TMEM150B: variants seen among roughly 807,000 people sequenced by gnomAD.
TMEM150B encodes transmembrane protein 150B.
Under a neutral mutation model 25.2 loss-of-function variants are expected in TMEM150B, and 33 were observed. The ratio of observed to expected loss-of-function variants is 1.31; its 90% confidence interval spans 0.99 to 1.75. TMEM150B has a LOEUF of 1.75. Among genes scored for constraint, TMEM150B ranks in the 40% most tolerant of loss-of-function variants. The pLI, the probability that TMEM150B is intolerant of heterozygous loss-of-function variation, is 0.00. For synonymous variants in TMEM150B, 133 were observed against 134.8 expected (o/e 0.99, Z 0.09); for missense variants, 322 against 306.1 (o/e 1.05, Z -0.39).
chr19:55,312,470 T>A, downstream of TMEM150B: 1 of 135,718 alleles, frequency 7.4e-6, no homozygotes, highest in South Asian at 2.9e-4. Context: ...GGATTTGCTC[T>A]CCGGAAGGAA....
chr19:55,320,569 A>C lies in TMEM150B; in HGVS notation c.117T>G (p.Phe39Leu), dbSNP rs780862820. 18 of 1,613,924 alleles carry C rather than the reference A, an allele frequency of 1.1e-5. 1 individual carries two copies. In the South Asian group the frequency reaches 1.9e-4, roughly 17 times the overall value. Residue 39 changes from phenylalanine to leucine, a missense_variant, in exon 4 of 8, where the codon TTT becomes TTG. Coordinates refer to ENST00000326652, the MANE Select transcript of TMEM150B (RefSeq NM_001282011.2). ...TNRTVDLSKG[F>L]PYISICGSFP... ...TCGGGCAGAATTACCTGATGTAGGG[A>C]AAGCCTTTACTGAGGTCCACAGTCC... is the stretch of plus-strand genomic sequence containing the variant.
At chr19:55,320,888 T>C (rs1600230286) in intron 3 of TMEM150B, 81 bp downstream of exon 3, 4 of 1,323,048 alleles carry the variant, frequency 3.0e-6, no homozygotes, top group Non-Finnish European at 4.0e-6. Context: ...CCCCAACCCC[T>C]TCCTCCCTCA....
intron 7 of TMEM150B, 29 bp from the exon 8 acceptor site, chr19:55,313,084 A>G: frequency 6.3e-7 from 1 of 1,580,668 alleles, no homozygotes; most frequent in African/African-American, 1.3e-5. Flanking sequence ...CCACACTGCT[A>G]CCGTGACAGA....
At chr19:55,319,885 G>T in intron 6 of TMEM150B, 154 bp downstream of exon 6, 1 of 1,447,614 alleles carries the variant, frequency 6.9e-7, no homozygotes, top group Non-Finnish European at 9.1e-7. Context: ...GAATCCAGCC[G>T]GTCCAAGGCC....
At chr19:55,310,028 C>G (rs2088748217), downstream of TMEM150B, among the ~76,000 whole-genome samples, 1 of 152,200 alleles carries the variant, frequency 6.6e-6, no homozygotes, top group Non-Finnish European at 1.5e-5. The surrounding 1 kb of genome is among the most constrained non-coding windows in gnomAD (Gnocchi z 5.0). Flanking sequence ...CAGCTTTGGC[C>G]TTGTCACCAG....
chr19:55,325,130 G>A (rs2089300488), intron 1 of TMEM150B, 142 bp downstream of exon 1: 1 of 310,110 alleles, frequency 3.2e-6, no homozygotes, highest in Non-Finnish European at 4.7e-6. Context: ...TACCCAACTC[G>A]GTGTCCTGGC....
At chr19:55,311,536 G>A (rs1288018396), downstream of TMEM150B, among the ~76,000 whole-genome samples, 1 of 152,138 alleles carries the variant, frequency 6.6e-6, no homozygotes, top group African/African-American at 2.4e-5. Flanking sequence ...AGAGTCGGGG[G>A]GCCCCTCTTG....
chr19:55,325,256 A>G lies in TMEM150B; in HGVS notation c.-154+16T>C. The G allele has an allele frequency of 3.0e-6, 3 of 985,076 alleles. No homozygotes were observed. Among genetic ancestry groups the G allele is most frequent in the Non-Finnish European group, 3.6e-6 (3 of 829,732 alleles). 61.0% of individuals were successfully genotyped at this position (985,076 alleles called of 1,614,324 possible). A position where few individuals can be genotyped will look rare whatever the true frequency, so the allele number is the denominator to read the frequency against. On this transcript the variant is annotated intron_variant, in intron 1 of 7. Transcript: ENST00000326652. ...CTGCCGAGCTACTTTCAAGTTGGGAATTAGGCCCCACTCACCGGCCACGGG... is the reference window on the plus strand; with the variant it reads ...CTGCCGAGCTACTTTCAAGTTGGGAGTTAGGCCCCACTCACCGGCCACGGG...
In TMEM150B at chr19:55,321,079, C is replaced by T; in HGVS notation, c.-43G>A. ...AAGGATCGGGGCTGAGGCTGGACAC[C>T]TGTCTCTCTCACACCTGAAGAACCA... On this transcript the variant is annotated 5_prime_UTR_variant, in exon 3 of 8. Transcript: ENST00000326652. 6.3e-7 allele frequency: 1 copy of T among 1,590,082 alleles called. No individual in the cohort carries two copies. Among genetic ancestry groups the T allele is most frequent in the Non-Finnish European group, 8.6e-7 (1 of 1,168,322 alleles).
downstream of TMEM150B, chr19:55,312,106 C>A (rs777848724): frequency 2.0e-5 from 20 of 990,282 alleles, no homozygotes; most frequent in East Asian, 3.9e-4. Context: ...CCCCCTCCAC[C>A]CCCCTTCCGT....
At chr19:55,319,465 A>ATTTT (rs2089127511) in intron 6 of TMEM150B, 1 of 27,194 alleles carries the variant, frequency 3.7e-5, no homozygotes, top group Non-Finnish European at 7.5e-5. Flanking sequence ...TTTTTTTTTG[A>ATTTT]GAGAAGTCTC....
At position 55,323,163 on chromosome 19, in the gene TMEM150B, G is replaced by A. The variant is rs561152934; in HGVS notation, c.-153-420C>T. ...AGTGTACGACTCGGCCAGGCACGGC[G>A]GCTCACGCCTGTAATCCCAGCAGTT... On this transcript the variant is annotated intron_variant, in intron 1 of 7. Transcript: ENST00000326652. 4.4e-4 allele frequency among the ~76,000 whole-genome samples: 67 copies of A among 152,272 alleles called. No homozygotes were observed. The South Asian group carries it at 0.012, about 28-fold the overall frequency.
intron 1 of TMEM150B, among the ~76,000 whole-genome samples, chr19:55,323,160 G>A (rs186159550): frequency 4.6e-5 from 7 of 152,286 alleles, no homozygotes; most frequent in Non-Finnish European, 8.8e-5. Context: ...GGCCAGGCAC[G>A]GCGGCTCACG....
chr19:55,321,317 C>G (rs1051984682), intron 2 of TMEM150B, among the ~76,000 whole-genome samples: 1 of 148,372 alleles, frequency 6.7e-6, no homozygotes, highest in African/African-American at 2.6e-5. Context: ...CTCCTTGCAC[C>G]TCCCAGCCTC....
In TMEM150B at chr19:55,320,228, G is replaced by A. The variant is rs909121296; in HGVS notation, c.197-62C>T. 3.3e-5 allele frequency: 52 copies of A among 1,578,268 alleles called. No individual in the cohort carries two copies. In the Middle Eastern group the frequency reaches 6.8e-4, roughly 21 times the overall value. ...CCACCAAGAACTCCTGGGACCCAGG[G>A]AGGGAAGTGAGGGGAGCAAGGTGAG... On this transcript the variant is annotated intron_variant, in intron 5 of 7. Coordinates refer to ENST00000326652, the MANE Select transcript of TMEM150B (RefSeq NM_001282011.2).
intron 2 of TMEM150B, 130 bp from the exon 3 acceptor site, chr19:55,321,223 G>T: frequency 7.8e-7 from 1 of 1,290,040 alleles, no homozygotes; most frequent in Non-Finnish European, 1.0e-6. Context: ...CCATTTCCAG[G>T]CAATTTCCCC....
At chr19:55,320,522 C>T (rs2089171555) in intron 4 of TMEM150B, 36 bp downstream of exon 4, 2 of 1,612,662 alleles carry the variant, frequency 1.2e-6, no homozygotes, top group African/African-American at 1.3e-5. Flanking sequence ...CCTGCAGCGG[C>T]GATCCCCCCA....
intron 3 of TMEM150B, 111 bp from the exon 4 acceptor site, chr19:55,320,728 C>T (rs1569003791): frequency 3.7e-6 from 5 of 1,334,612 alleles, no homozygotes; most frequent in East Asian, 4.7e-5. Flanking sequence ...GGAGTCCAGG[C>T]CCCCAGCCCC....
At position 55,321,078 on chromosome 19, in the gene TMEM150B, C is replaced by G. The variant is rs2089195376; in HGVS notation, c.-42G>C. On this transcript the variant is annotated 5_prime_UTR_variant, in exon 3 of 8. Coordinates refer to ENST00000326652, the MANE Select transcript of TMEM150B (RefSeq NM_001282011.2). ...GAAGGATCGGGGCTGAGGCTGGACA[C>G]CTGTCTCTCTCACACCTGAAGAACC... 6.3e-7 allele frequency: 1 copy of G among 1,592,244 alleles called. No homozygotes were observed.
Sources: gnomAD v4.1 joint callset for allele counts (sites outside exome capture counted in the v4.1 genomes callset) on GRCh38, gnomAD v4.1.1 for gene constraint, Gnocchi (gnomAD v3.1) non-coding constraint, MANE v1.5 for transcripts, NCBI Gene and HGNC (gene_info 2026-07-23, HGNC 2026-07-21) for gene names.